The following NSRP1 variants were observed in gnomAD, a reference collection of about 807,000 sequenced individuals.
NSRP1 encodes the protein nuclear speckle splicing regulatory protein 1.
Under a neutral mutation model 54.7 loss-of-function variants are expected in NSRP1, and 24 were observed. That is an observed-to-expected ratio of 0.44 (90% CI 0.32 to 0.62). The LOEUF (loss-of-function observed/expected upper bound fraction) is 0.62, where lower values mean the gene tolerates loss of function less well. Ranked by LOEUF, NSRP1 falls within the 20% of genes least tolerant of loss-of-function variation. The probability of loss-of-function intolerance (pLI) is 0.06; values close to 1 mark genes in which losing one functional copy is unlikely to be tolerated. For missense variants in NSRP1, 596 were observed against 651.2 expected (o/e 0.92, Z 0.92); for synonymous variants, 210 against 213.8 (o/e 0.98, Z 0.15).
intron 2 of NSRP1, among the ~76,000 whole-genome samples, chr17:30,169,829 G>T (rs577845816): frequency 6.7e-6 from 1 of 150,366 alleles, no homozygotes; most frequent in African/African-American, 2.4e-5. Flanking sequence ...GAACTATTTT[G>T]TTCTGGTTAT....
intron 2 of NSRP1, among the ~76,000 whole-genome samples, chr17:30,143,137 A>C (rs537212891): frequency 1.3e-5 from 2 of 152,340 alleles, no homozygotes; most frequent in East Asian, 1.9e-4. Flanking sequence ...TTACCATAAA[A>C]GTCATTAAAA....
intron 5 of NSRP1, 40 bp from the exon 6 acceptor site, chr17:30,180,868 C>T (rs1436722840): frequency 8.1e-7 from 1 of 1,228,354 alleles, no homozygotes. Context: ...TGCACTGTGC[C>T]TTATTGAATA....
At chr17:30,162,718 A>G (rs554310516) in intron 2 of NSRP1, among the ~76,000 whole-genome samples, 1 of 152,194 alleles carries the variant, frequency 6.6e-6, no homozygotes, top group Non-Finnish European at 1.5e-5. Context: ...TTCTACAAAA[A>G]GAAAAAATTC....
At chr17:30,145,972 T>C (rs1023254391) in intron 2 of NSRP1, among the ~76,000 whole-genome samples, 5 of 151,508 alleles carry the variant, frequency 3.3e-5, no homozygotes, top group African/African-American at 1.2e-4. Flanking sequence ...ACTTTTGTCT[T>C]CCGAGTAGCT....
At chr17:30,163,245 G>A (rs951011149) in intron 2 of NSRP1, 3 of 126,944 alleles carry the variant, frequency 2.4e-5, no homozygotes, top group African/African-American at 3.6e-5. Context: ...GTGTGTGTGT[G>A]TGTTTTTAGT....
Position 30,174,551 on chromosome 17 carries a change from T to C in NSRP1, c.171+1953T>C, listed in dbSNP as rs1905063392. ...TACAGAACTGATGATGGCAACATTA[T>C]TGTCATATTCCGTTTCATTGGGAAA... On this transcript the variant is annotated intron_variant, in intron 3 of 6. Coordinates refer to ENST00000247026, the MANE Select transcript of NSRP1 (RefSeq NM_032141.4). 2.0e-5 allele frequency among the ~76,000 whole-genome samples: 3 copies of C among 152,252 alleles called. No individual in the cohort carries two copies. The South Asian group carries it at 6.2e-4, about 31-fold the overall frequency.
intron 2 of NSRP1, among the ~76,000 whole-genome samples, chr17:30,171,116 A>G (rs547074585): frequency 1.3e-5 from 2 of 151,744 alleles, no homozygotes; most frequent in African/African-American, 4.8e-5. Context: ...TGTGATGACT[A>G]CTTCCTATCT....
intron 1 of NSRP1, chr17:30,117,519 C>G (rs2071548284): frequency 2.4e-6 from 1 of 410,514 alleles, no homozygotes; most frequent in Non-Finnish European, 4.3e-6. Flanking sequence ...CTCAGATGCT[C>G]CGAGGCAAAG....
chr17:30,177,999 TC>T, intron 3 of NSRP1, 71 bp from the exon 4 acceptor site: 1 of 1,482,684 alleles, frequency 6.7e-7, no homozygotes, highest in Non-Finnish European at 9.4e-7. Context: ...TGAACCATTC[TC>T]AAAAAGCATA....
At chr17:30,165,044 C>T (rs1233863623) in intron 2 of NSRP1, among the ~76,000 whole-genome samples, 1 of 151,922 alleles carries the variant, frequency 6.6e-6, no homozygotes, top group Non-Finnish European at 1.5e-5. Context: ...TTATACTAAG[C>T]AAAATACAAA....
At chr17:30,127,894 G>A in intron 2 of NSRP1, 1 of 397,806 alleles carries the variant, frequency 2.5e-6, no homozygotes, top group Non-Finnish European at 4.4e-6. Flanking sequence ...AGTGCAATTT[G>A]TGCAGTCACA....
chr17:30,163,732 A>ATC (rs1904624888), intron 2 of NSRP1, among the ~76,000 whole-genome samples: 3 of 141,414 alleles, frequency 2.1e-5, no homozygotes, highest in African/African-American at 7.8e-5. Context: ...CCCAGGCTAG[A>ATC]GTGCAGTGGC....
chr17:30,163,986 A>G lies in NSRP1; in HGVS notation c.115-8556A>G, dbSNP rs377654640. On this transcript the variant is annotated intron_variant, in intron 2 of 6. Transcript: ENST00000247026. ...CAGGCATGAGCCACCGTACCCGGCC[A>G]ATGACCACATTTTTACCCCTTATAA... 3.8e-3 allele frequency among the ~76,000 whole-genome samples: 575 copies of G among 152,146 alleles called. 2 individuals are homozygous for G. Among genetic ancestry groups the G allele is most frequent in the African/African-American group, 0.013 (556 of 41,514 alleles).
intron 2 of NSRP1, among the ~76,000 whole-genome samples, chr17:30,162,149 C>T (rs539778958): frequency 1.3e-5 from 2 of 151,956 alleles, no homozygotes; most frequent in East Asian, 3.9e-4. Flanking sequence ...CTCAGCCTCC[C>T]AAGTAGCTGG....
intron 1 of NSRP1, among the ~76,000 whole-genome samples, chr17:30,117,759 G>GT (rs79120191): frequency 0.031 from 3,611 of 115,076 alleles, 42 homozygotes; most frequent in African/African-American, 0.033. Flanking sequence ...CACTACACAT[G>GT]TTTTTTTTTT....
chr17:30,135,510 G>A (rs1269302313), intron 2 of NSRP1, among the ~76,000 whole-genome samples: 2 of 149,788 alleles, frequency 1.3e-5, no homozygotes, highest in Non-Finnish European at 3.0e-5. Context: ...GTCTTACTCT[G>A]TCACCCAGGC....
intron 2 of NSRP1, among the ~76,000 whole-genome samples, chr17:30,141,006 A>G (rs1182010991): frequency 6.6e-6 from 1 of 152,064 alleles, no homozygotes; most frequent in Non-Finnish European, 1.5e-5. Flanking sequence ...TGTTTTGTAG[A>G]GATGAGGTCT....
At chr17:30,118,749 C>CTTT (rs570877718) in intron 2 of NSRP1, among the ~76,000 whole-genome samples, 1 of 138,608 alleles carries the variant, frequency 7.2e-6, no homozygotes. Context: ...TTTCTTTTCT[C>CTTT]TTTTTTTTTT....
At chr17:30,117,786 C>G (rs887907408) in intron 1 of NSRP1, among the ~76,000 whole-genome samples, 6 of 143,360 alleles carry the variant, frequency 4.2e-5, no homozygotes, top group African/African-American at 1.6e-4. Flanking sequence ...TTAAATGTTA[C>G]TGTCACTTCG....
Sources: gnomAD v4.1 joint callset for allele counts (sites outside exome capture counted in the v4.1 genomes callset) on GRCh38, gnomAD v4.1.1 for gene constraint, MANE v1.5 for transcripts, NCBI Gene and HGNC (gene_info 2026-07-23, HGNC 2026-07-21) for gene names.